TBCK: variants seen among roughly 807,000 people sequenced by gnomAD.
The protein encoded by TBCK is TBC1 domain containing kinase, also known as TBC domain-containing protein kinase-like protein.
TBCK carries 99 observed loss-of-function variants against 113.4 expected under a neutral mutation model. The ratio of observed to expected loss-of-function variants is 0.87; its 90% CI spans 0.74 to 1.03. The LOEUF (loss-of-function observed/expected upper bound fraction) is 1.03, where lower values mean the gene tolerates loss of function less well. Ranked by LOEUF, TBCK falls within the 50% of genes least tolerant of loss-of-function variation. The probability of loss-of-function intolerance (pLI) is 0.00; values close to 1 mark genes in which losing one functional copy is unlikely to be tolerated. For synonymous variants in TBCK, 369 were observed against 370.8 expected (o/e 1.00, Z 0.05); for missense variants, 1,045 against 1,061.3 (o/e 0.98, Z 0.21).
At chr4:106,235,827 A>C (rs1361638218) in intron 14 of TBCK, among the ~76,000 whole-genome samples, 1 of 151,998 alleles carries the variant, frequency 6.6e-6, no homozygotes. Context: ...GTCTTAGGAG[A>C]AATTTCTAGA....
intron 20 of TBCK, among the ~76,000 whole-genome samples, chr4:106,202,323 A>C (rs1003926817): frequency 2.6e-5 from 4 of 152,004 alleles, no homozygotes; most frequent in Non-Finnish European, 4.4e-5. Context: ...AAAAATACTA[A>C]TAAGAAAACA....
At chr4:106,085,448 G>A (rs1739388942) in intron 25 of TBCK, among the ~76,000 whole-genome samples, 1 of 152,158 alleles carries the variant, frequency 6.6e-6, no homozygotes, top group East Asian at 1.9e-4. Flanking sequence ...CAATATAGGA[G>A]CACCCAGATT....
At chr4:106,227,606 C>G (rs1758378979) in intron 19 of TBCK, among the ~76,000 whole-genome samples, 1 of 151,790 alleles carries the variant, frequency 6.6e-6, no homozygotes. Flanking sequence ...CTTATGAAAA[C>G]TGGAGAATTA....
rs1470202244 is a variant in TBCK, at chr4:106,309,002, A to G, written c.-29-13T>C. On this transcript the variant is annotated splice_polypyrimidine_tract_variant and intron_variant, in intron 1 of 25. Transcript: ENST00000394708. The stretch of plus-strand genomic sequence containing the variant: ...CTTCTAAGATAATCTGGAAAAGGAG[A>G]GAATTTTAGGACAGACCAAACATTA... 1.9e-6 allele frequency: 3 copies of G among 1,553,640 alleles called. No individual in the cohort carries two copies. The highest frequency in any genetic ancestry group is 1.7e-6 in the Non-Finnish European group (2 of 1,143,854).
intron 3 of TBCK, among the ~76,000 whole-genome samples, chr4:106,277,496 C>T (rs1764153734): frequency 6.6e-6 from 1 of 152,032 alleles, no homozygotes; most frequent in African/African-American, 2.4e-5. Flanking sequence ...AAACACAATA[C>T]AACTCAGCAA....
At chr4:106,095,942 TAA>T (rs994168202) in intron 24 of TBCK, among the ~76,000 whole-genome samples, 4 of 152,222 alleles carry the variant, frequency 2.6e-5, no homozygotes, top group African/African-American at 9.6e-5. Context: ...AGAGGTTCTA[TAA>T]AGAGTGGAGA....
chr4:106,244,842 C>CTGTTG, intron 10 of TBCK, 78 bp from the exon 11 acceptor site: 5 of 860,214 alleles, frequency 5.8e-6, no homozygotes, highest in Non-Finnish European at 8.5e-6. Context: ...TAATAGCTGC[C>CTGTTG]ATTCTAAAAA....
At chr4:106,287,831 T>A (rs941222705) in intron 3 of TBCK, among the ~76,000 whole-genome samples, 1 of 152,222 alleles carries the variant, frequency 6.6e-6, no homozygotes, top group African/African-American at 2.4e-5. Context: ...TTATCTTGAC[T>A]GAAATCTTGT....
intron 25 of TBCK, among the ~76,000 whole-genome samples, chr4:106,076,481 T>C (rs1287618674): frequency 6.6e-6 from 1 of 152,176 alleles, no homozygotes; most frequent in African/African-American, 2.4e-5. Context: ...ATGGCTTTAG[T>C]GAGAGGTTGT....
Position 106,236,413 on chromosome 4 carries a change from T to C in TBCK, c.1327A>G (p.Ile443Val). Residue 443 changes from isoleucine to valine, a missense_variant, in exon 14 of 26, where the codon ATT (isoleucine) becomes GTT (valine). By Grantham distance (29) the Ile-to-Val change is conservative (BLOSUM62 3). Transcript: ENST00000394708. Reference sequence around the variant, plus strand: ...ACCTTTAGCAGCCTGTCGAAGAGAATAATTCTATTTAGTTGGTACTCTGTA... The same window carrying C: ...ACCTTTAGCAGCCTGTCGAAGAGAACAATTCTATTTAGTTGGTACTCTGTA... Reference protein sequence around the residue: ...KDTEYQLNRIILFDRLLKAYP... With the variant: ...KDTEYQLNRIVLFDRLLKAYP... 6.5e-7 allele frequency: 1 copy of C among 1,539,728 alleles called. No individual in the cohort carries two copies. Among genetic ancestry groups the C allele is most frequent in the Non-Finnish European group, 8.7e-7 (1 of 1,142,864 alleles).
In TBCK at chr4:106,211,162, T is replaced by C. The variant is rs1369645310; in HGVS notation, c.1860+1588A>G. Among the ~76,000 whole-genome samples the C allele has an allele frequency of 2.0e-5, 3 of 152,170 alleles. No individual in the cohort carries two copies. The East Asian group carries it at 5.8e-4, about 29-fold the overall frequency. On this transcript the variant is annotated intron_variant, in intron 20 of 25. Transcript: ENST00000394708. ...ATTAGGTGCCTTTACAAAAATTTTT[T>C]GAAAATAATTATCTTTTTTAGTCTA...
At chr4:106,261,176 C>T (rs533310343) in intron 4 of TBCK, among the ~76,000 whole-genome samples, 1 of 151,906 alleles carries the variant, frequency 6.6e-6, no homozygotes, top group African/African-American at 2.4e-5. Context: ...ACATTATTTC[C>T]AAGCATTATA....
rs748400981 is a variant in TBCK, at chr4:106,046,590, T to C, written c.2662A>G (p.Ile888Val). 1 of 1,604,422 alleles carries C rather than the reference T, an allele frequency of 6.2e-7. No individual in the cohort carries two copies. The change falls in exon 26 of 26, where the codon ATC becomes GTC. Residue 888 changes from isoleucine (I) to valine (V), a missense_variant. Transcript: ENST00000394708. ...GTTCTTCATATTTGAGGAGATGGGATGGTGAGGAGGCCTGTTGGCTTTATT... is the reference window on the plus strand; with the variant it reads ...GTTCTTCATATTTGAGGAGATGGGACGGTGAGGAGGCCTGTTGGCTTTATT... ...NKIKPTGLLT[I>V]PSPQI
chr4:106,071,063 G>A (rs1363679886), intron 25 of TBCK, among the ~76,000 whole-genome samples: 4 of 152,096 alleles, frequency 2.6e-5, no homozygotes, highest in Non-Finnish European at 4.4e-5. Context: ...TGGATTCAGT[G>A]ATTTTTTGAA....
chr4:106,291,576 G>A (rs780905025), intron 3 of TBCK, among the ~76,000 whole-genome samples: 2 of 152,152 alleles, frequency 1.3e-5, no homozygotes, highest in Non-Finnish European at 2.9e-5. Flanking sequence ...ACAAGTCTTC[G>A]CAGTTTTTCA....
chr4:106,126,099 G>C (rs1311905182), intron 23 of TBCK, among the ~76,000 whole-genome samples: 1 of 152,102 alleles, frequency 6.6e-6, no homozygotes, highest in Admixed American at 6.5e-5. Flanking sequence ...TGCACATGTT[G>C]TTCCTTCGCT....
chr4:106,215,809 A>G (rs567557654), intron 19 of TBCK, among the ~76,000 whole-genome samples: 21 of 151,630 alleles, frequency 1.4e-4, no homozygotes, highest in African/African-American at 5.1e-4. Flanking sequence ...CAGATCAACG[A>G]GACAGAAAGT....
chr4:106,088,078 G>A (rs1739722539), intron 25 of TBCK, among the ~76,000 whole-genome samples: 1 of 152,198 alleles, frequency 6.6e-6, no homozygotes, highest in South Asian at 2.1e-4. Context: ...AAAAGCAATT[G>A]TAACAAAAGC....
chr4:106,153,368 C>G (rs1579064431), intron 23 of TBCK, among the ~76,000 whole-genome samples: 1 of 151,934 alleles, frequency 6.6e-6, no homozygotes, highest in African/African-American at 2.4e-5. Flanking sequence ...GCATAAATTT[C>G]TCTTGTAATT....
Sources: gnomAD v4.1 joint callset for allele counts (sites outside exome capture counted in the v4.1 genomes callset) on GRCh38, gnomAD v4.1.1 for gene constraint, MANE v1.5 for transcripts, NCBI Gene and HGNC (gene_info 2026-07-23, HGNC 2026-07-21) for gene names.